Variants in INPP5A observed in about 807,000 individuals in gnomAD.
INPP5A encodes the protein 43 kDa inositol polyphosphate 5-phophatase.
INPP5A carries 14 observed loss-of-function variants against 65.2 expected under a neutral mutation model. The ratio of observed to expected loss-of-function variants is 0.21; its 90% confidence interval spans 0.14 to 0.34. The LOEUF is 0.34. INPP5A is among the 10% of genes least tolerant of loss of function. The probability of loss-of-function intolerance (pLI) is 1.00; values close to 1 mark genes in which losing one functional copy is unlikely to be tolerated. For synonymous variants in INPP5A, 207 were observed against 208.3 expected (o/e 0.99, Z 0.05); for missense variants, 431 against 545.6 (o/e 0.79, Z 2.09).
intron 12 of INPP5A, 42 bp from the exon 13 acceptor site, chr10:132,777,628 GC>G: frequency 1.3e-6 from 2 of 1,586,384 alleles, no homozygotes; most frequent in Non-Finnish European, 1.7e-6. Flanking sequence ...GCTGAGGACG[GC>G]CCGAGCCGGC....
chr10:132,683,897 T>C (rs904211816), intron 4 of INPP5A, among the ~76,000 whole-genome samples: 1 of 152,162 alleles, frequency 6.6e-6, no homozygotes, highest in African/African-American at 2.4e-5. Flanking sequence ...GTATTTTTAG[T>C]AGAGATGGGG....
At chr10:132,579,143 A>G (rs2071448105) in intron 1 of INPP5A, among the ~76,000 whole-genome samples, 2 of 151,628 alleles carry the variant, frequency 1.3e-5, no homozygotes, top group African/African-American at 4.9e-5. Context: ...TCTGAGTGGC[A>G]GGGAGGCAGA....
At chr10:132,703,080 C>T (rs1454076704) in intron 6 of INPP5A, among the ~76,000 whole-genome samples, 4 of 152,124 alleles carry the variant, frequency 2.6e-5, no homozygotes, top group Non-Finnish European at 4.4e-5. Context: ...TCGGACTCAC[C>T]GTTTCTCCCA....
In INPP5A at chr10:132,782,250, G is replaced by GT. The variant is rs5789138; in HGVS notation, c.*239dup. 9.3e-3 allele frequency: 3,103 copies of GT among 334,106 alleles called. 6 individuals are homozygous for GT. The highest frequency in any genetic ancestry group is 0.027 in the African/African-American group (1,196 of 43,674). 20.7% of individuals were successfully genotyped at this position (334,106 alleles called of 1,614,324 possible). A position where few individuals can be genotyped will look rare whatever the true frequency, so the allele number is the denominator to read the frequency against. ...TATGTGACATTAAGTAGAAATATTG[G>GT]TTTTTTTTTTTTTTTTTTAAATAAG... On this transcript the variant is annotated 3_prime_UTR_variant, in exon 16 of 16. Coordinates refer to ENST00000368594, the MANE Select transcript of INPP5A (RefSeq NM_005539.5). The surrounding 1 kb of genome is among the most constrained non-coding windows in gnomAD (Gnocchi z 4.4).
At chr10:132,544,214 C>A (rs76792230) in intron 1 of INPP5A, among the ~76,000 whole-genome samples, 1 of 152,246 alleles carries the variant, frequency 6.6e-6, no homozygotes, top group African/African-American at 2.4e-5. Context: ...CCACTCCCAG[C>A]GAGAAGCGCA....
At chr10:132,740,928 A>G (rs906339991) in intron 9 of INPP5A, among the ~76,000 whole-genome samples, 1 of 152,132 alleles carries the variant, frequency 6.6e-6, no homozygotes, top group Non-Finnish European at 1.5e-5. Flanking sequence ...CTAAGAGTTC[A>G]CCTACAAAGA....
At chr10:132,607,234 G>A (rs765366695) in intron 1 of INPP5A, among the ~76,000 whole-genome samples, 1 of 152,200 alleles carries the variant, frequency 6.6e-6, no homozygotes, top group Admixed American at 6.5e-5. Context: ...TCAGGCTTGC[G>A]CTTAGCTCCT....
chr10:132,598,833 A>G (rs572537678), intron 1 of INPP5A, among the ~76,000 whole-genome samples: 3 of 152,332 alleles, frequency 2.0e-5, no homozygotes, highest in African/African-American at 7.2e-5. Context: ...CAGGAGGTGA[A>G]AGACACTTCT....
chr10:132,573,874 G>A (rs1358026367), intron 1 of INPP5A, among the ~76,000 whole-genome samples: 2 of 136,098 alleles, frequency 1.5e-5, no homozygotes, highest in Admixed American at 7.1e-5. Context: ...TGAGATGTTG[G>A]GGTGTGTGTG....
At chr10:132,711,444 G>A (rs1845635296) in intron 8 of INPP5A, among the ~76,000 whole-genome samples, 1 of 151,958 alleles carries the variant, frequency 6.6e-6, no homozygotes, top group Non-Finnish European at 1.5e-5. Context: ...TGGTTGACAA[G>A]ACAGTGCTCC....
At chr10:132,634,888 CTCTCTGTCTGTTTGT>C (rs1395317809) in intron 2 of INPP5A, among the ~76,000 whole-genome samples, 2 of 152,224 alleles carry the variant, frequency 1.3e-5, no homozygotes, top group African/African-American at 2.4e-5. Flanking sequence ...TTCCTGTTTG[CTCTCTGTCTGTTTGT>C]GTCTTTATCC....
At chr10:132,768,533 T>C (rs1292283727) in intron 12 of INPP5A, among the ~76,000 whole-genome samples, 2 of 152,230 alleles carry the variant, frequency 1.3e-5, no homozygotes, top group African/African-American at 4.8e-5. Flanking sequence ...CGAGTGCCTC[T>C]GCGTGCCAGG....
chr10:132,765,692 C>T (rs888644690), intron 11 of INPP5A, 81 bp from the exon 12 acceptor site: 46 of 820,850 alleles, frequency 5.6e-5, no homozygotes, highest in Non-Finnish European at 9.1e-5. Context: ...AGCATTTGAG[C>T]GTCCCAGCTG....
Position 132,624,567 on chromosome 10 carries a change from C to T in INPP5A, c.117+16611C>T, listed in dbSNP as rs560362070. 1.7e-3 allele frequency among the ~76,000 whole-genome samples: 255 copies of T among 152,318 alleles called. 1 individual carries two copies. The highest frequency in any genetic ancestry group is 2.5e-3 in the Non-Finnish European group (170 of 68,020). ...GGCGTGTCTGCACTTGGGGAATGTG[C>T]ATTTCCCTTTGGCAGCTCCTGTCTT... On this transcript the variant is annotated intron_variant, in intron 2 of 15. Coordinates refer to ENST00000368594, the MANE Select transcript of INPP5A (RefSeq NM_005539.5).
intron 12 of INPP5A, among the ~76,000 whole-genome samples, chr10:132,772,910 G>A (rs527241318): frequency 6.8e-5 from 10 of 146,762 alleles, no homozygotes; most frequent in South Asian, 2.2e-4. Flanking sequence ...AGAGTGGGAC[G>A]GACACTCAGC....
intron 3 of INPP5A, among the ~76,000 whole-genome samples, chr10:132,647,020 C>T (rs1202395470): frequency 1.3e-5 from 2 of 152,118 alleles, no homozygotes; most frequent in South Asian, 2.1e-4. Flanking sequence ...GAACTCCCAG[C>T]GCAGGGTCCT....
intron 1 of INPP5A, among the ~76,000 whole-genome samples, chr10:132,559,515 G>T (rs118133857): frequency 1.3e-5 from 2 of 152,070 alleles, no homozygotes; most frequent in African/African-American, 2.4e-5. Context: ...CCCCCCTTCC[G>T]CCAACCACGA....
chr10:132,747,356 G>T (rs945980918), intron 9 of INPP5A, among the ~76,000 whole-genome samples: 1 of 152,280 alleles, frequency 6.6e-6, no homozygotes, highest in Non-Finnish European at 1.5e-5. Context: ...GACCCCATCA[G>T]CCGGTCTGTG....
chr10:132,739,207 A>G (rs1259714550), intron 9 of INPP5A, among the ~76,000 whole-genome samples: 1 of 152,232 alleles, frequency 6.6e-6, no homozygotes, highest in East Asian at 1.9e-4. Flanking sequence ...AATTGGCACC[A>G]TGGCACACTT....
Sources: allele counts gnomAD v4.1 joint callset (sites outside exome capture counted in the v4.1 genomes callset), GRCh38; gene constraint gnomAD v4.1.1; non-coding constraint Gnocchi (gnomAD v3.1); transcripts MANE v1.5; gene names NCBI Gene and HGNC (gene_info 2026-07-23, HGNC 2026-07-21).